CACNA1E: variants seen among roughly 807,000 people sequenced by gnomAD.
The protein encoded by CACNA1E is calcium voltage-gated channel subunit alpha1 E.
CACNA1E carries 40 observed loss-of-function variants against 259.2 expected under a neutral mutation model. The ratio of observed to expected loss-of-function variants is 0.15; its 90% CI spans 0.12 to 0.20. The LOEUF (loss-of-function observed/expected upper bound fraction) is 0.20, where lower values mean the gene tolerates loss of function less well. Among genes scored for constraint, CACNA1E ranks in the 10% least tolerant of loss-of-function variants. The pLI, the probability that CACNA1E is intolerant of heterozygous loss-of-function variation, is 1.00. For synonymous variants in CACNA1E, 1,104 were observed against 1,138.5 expected, an observed-to-expected ratio of 0.97 and a Z score of 0.61; for missense variants, 1,874 against 3,040.1, an observed-to-expected ratio of 0.62 and a Z score of 9.02.
intron 33 of CACNA1E, 77 bp downstream of exon 33, chr1:181,762,734 C>A: frequency 2.4e-6 from 2 of 817,652 alleles, no homozygotes; most frequent in African/African-American, 1.8e-5. Flanking sequence ...TATATTCAGT[C>A]CATTTTTAAC....
intron 37 of CACNA1E, among the ~76,000 whole-genome samples, chr1:181,773,811 C>A (rs570331822): frequency 6.6e-6 from 1 of 152,198 alleles, no homozygotes; most frequent in South Asian, 2.1e-4. Flanking sequence ...TAAAAGAAAC[C>A]AAAGATATAA....
intron 1 of CACNA1E, among the ~76,000 whole-genome samples, chr1:181,364,232 G>A (rs1654098227): frequency 6.6e-6 from 1 of 152,216 alleles, no homozygotes; most frequent in Non-Finnish European, 1.5e-5. Context: ...TACATTGTGT[G>A]TCTTCTTTAT....
intron 27 of CACNA1E, among the ~76,000 whole-genome samples, chr1:181,753,161 A>G (rs1339578769): frequency 6.6e-6 from 1 of 152,184 alleles, no homozygotes; most frequent in Non-Finnish European, 1.5e-5. Context: ...ACACCAGAAT[A>G]CTTCCCAGCA....
At chr1:181,792,181 T>TG (rs1661378758) in intron 44 of CACNA1E, among the ~76,000 whole-genome samples, 1 of 151,594 alleles carries the variant, frequency 6.6e-6, no homozygotes, top group South Asian at 2.1e-4. Flanking sequence ...ATGTGTCTAG[T>TG]GGGAAAAAAA....
intron 6 of CACNA1E, among the ~76,000 whole-genome samples, chr1:181,601,118 A>G (rs1653700934): frequency 6.6e-6 from 1 of 152,084 alleles, no homozygotes; most frequent in Non-Finnish European, 1.5e-5. Flanking sequence ...AATTCCCACT[A>G]CCACCCCATG....
chr1:181,459,769 C>A (rs1004237809), intron 2 of CACNA1E, among the ~76,000 whole-genome samples: 6 of 152,188 alleles, frequency 3.9e-5, no homozygotes, highest in African/African-American at 1.4e-4. Flanking sequence ...CACCTCTTAC[C>A]CTGGAGCTTC....
chr1:181,572,023 C>T (rs10797730), intron 3 of CACNA1E, among the ~76,000 whole-genome samples: 56,288 of 152,010 alleles, frequency 0.37, 10,620 homozygotes, highest in Admixed American at 0.47. Context: ...ATTGTACAAA[C>T]ATTGCACTAA....
chr1:181,432,880 G>A lies in CACNA1E; in HGVS notation c.434+19300G>A, dbSNP rs568723928. Among the ~76,000 whole-genome samples the A allele has an allele frequency of 2.0e-5, 3 of 152,078 alleles. No homozygotes were observed. In the South Asian group the frequency reaches 6.2e-4, roughly 32 times the overall value. On this transcript the variant is annotated intron_variant, in intron 2 of 11. Transcript: ENST00000524607. Reference sequence around the variant, plus strand: ...TAGTAGCCATGTTAAAAAAGCAAAAGGAAACAAGTAAAATCAATATATTTT... The same window carrying A: ...TAGTAGCCATGTTAAAAAAGCAAAAAGAAACAAGTAAAATCAATATATTTT...
At chr1:181,509,649 C>T (rs61812707) in intron 1 of CACNA1E, among the ~76,000 whole-genome samples, 20,085 of 152,148 alleles carry the variant, frequency 0.13, 1,444 homozygotes, top group South Asian at 0.17. Context: ...GTGGCAAAAC[C>T]TTCCTGCAGG....
chr1:181,701,233 C>T (rs184492847), intron 7 of CACNA1E, among the ~76,000 whole-genome samples: 19 of 152,322 alleles, frequency 1.2e-4, no homozygotes, highest in South Asian at 4.1e-4. Context: ...CACAGCTGCA[C>T]CTCTCCTCAG....
At chr1:181,593,329 G>A (rs1180593440) in intron 6 of CACNA1E, among the ~76,000 whole-genome samples, 4 of 152,136 alleles carry the variant, frequency 2.6e-5, no homozygotes, top group Non-Finnish European at 5.9e-5. Context: ...CTGTCTCTTA[G>A]CATCAGTTTG....
chr1:181,584,544 A>T (rs150081354), intron 6 of CACNA1E, among the ~76,000 whole-genome samples: 1 of 152,210 alleles, frequency 6.6e-6, no homozygotes, highest in Non-Finnish European at 1.5e-5. Context: ...AGCTGCATAT[A>T]GTCAGGATTT....
Position 181,802,691 on chromosome 1 carries a change from G to A in CACNA1E, c.*3857G>A, listed in dbSNP as rs1457705544. ...CTGACACAAGGTGTAGGGTGTGGGG[G>A]TGGACAAAATGCCCACCTACTGGAT... is the stretch of plus-strand genomic sequence containing the variant. On this transcript the variant is annotated 3_prime_UTR_variant, in exon 48 of 48. Coordinates refer to ENST00000367573, the MANE Select transcript of CACNA1E (RefSeq NM_001205293.3). 1 of 152,194 alleles carries A rather than the reference G, an allele frequency of 6.6e-6. No homozygotes were observed. Among genetic ancestry groups the A allele is most frequent in the African/African-American group, 2.4e-5 (1 of 41,450 alleles). The allele number at this position is 152,194 out of a possible 1,614,324, so 9.4% of individuals were successfully genotyped here.
chr1:181,524,952 T>A (rs1667245651), intron 3 of CACNA1E, among the ~76,000 whole-genome samples: 1 of 152,248 alleles, frequency 6.6e-6, no homozygotes, highest in Non-Finnish European at 1.5e-5. Flanking sequence ...ATATAATAAA[T>A]GTTTTCTTCT....
chr1:181,427,789 C>T (rs913869986), intron 2 of CACNA1E, among the ~76,000 whole-genome samples: 12 of 143,840 alleles, frequency 8.3e-5, no homozygotes, highest in Admixed American at 5.5e-4. Context: ...CCCCCTCCCT[C>T]CCTCCCTCCT....
At chr1:181,318,580 C>A (rs1276268980) in intron 1 of CACNA1E, among the ~76,000 whole-genome samples, 3 of 152,170 alleles carry the variant, frequency 2.0e-5, no homozygotes, top group Non-Finnish European at 4.4e-5. Flanking sequence ...GGGCCTCTGG[C>A]CGCCCTTCCA....
chr1:181,325,835 G>A (rs372942699), intron 1 of CACNA1E, among the ~76,000 whole-genome samples: 12 of 152,058 alleles, frequency 7.9e-5, no homozygotes, highest in South Asian at 2.1e-4. Context: ...ATTTCCTCTC[G>A]GAACTCCTCC....
chr1:181,497,128 C>A (rs1266605972), intron 1 of CACNA1E, among the ~76,000 whole-genome samples: 1 of 152,094 alleles, frequency 6.6e-6, no homozygotes, highest in Non-Finnish European at 1.5e-5. Context: ...CCTCCCCCCA[C>A]CTGAAGTTCT....
At chr1:181,426,664 C>G (rs1248553424) in intron 2 of CACNA1E, among the ~76,000 whole-genome samples, 1 of 144,356 alleles carries the variant, frequency 6.9e-6, no homozygotes, top group Admixed American at 6.9e-5. Context: ...CATCTCTACC[C>G]CTTTACAATT....
Sources: gnomAD v4.1 joint callset for allele counts (sites outside exome capture counted in the v4.1 genomes callset) on GRCh38, gnomAD v4.1.1 for gene constraint, MANE v1.5 for transcripts, NCBI Gene and HGNC (gene_info 2026-07-23, HGNC 2026-07-21) for gene names.